NKAIN2: variants seen among roughly 807,000 people sequenced by gnomAD.
The protein encoded by NKAIN2 is sodium/potassium-transporting ATPase subunit beta-1-interacting protein 2.
A neutral mutation model predicts 32.6 loss-of-function variants in NKAIN2; 14 were observed. The ratio of observed to expected loss-of-function variants is 0.43; its 90% CI spans 0.28 to 0.67. The LOEUF (loss-of-function observed/expected upper bound fraction) is 0.67, where lower values mean the gene tolerates loss of function less well. Ranked by LOEUF, NKAIN2 falls within the 30% of genes least tolerant of loss-of-function variation. The pLI, the probability that NKAIN2 is intolerant of heterozygous loss-of-function variation, is 0.17. For synonymous variants in NKAIN2, 80 were observed against 87.2 expected (o/e 0.92, Z 0.46); for missense variants, 198 against 258.3 (o/e 0.77, Z 1.60).
rs905305869 is a variant in NKAIN2, at chr6:124,424,394, A to ATG, written c.273+69060_273+69061dup. On this transcript the variant is annotated intron_variant, in intron 3 of 6. Coordinates refer to ENST00000368417, the MANE Select transcript of NKAIN2 (RefSeq NM_001040214.3). Reference sequence around the variant, plus strand: ...TACATAGTTACTACTGTGTGTGTGTATGTGTGTGTGTGTGATAAGTACACT... The same window carrying ATG: ...TACATAGTTACTACTGTGTGTGTGTATGTGTGTGTGTGTGTGATAAGTACACT... Among the ~76,000 whole-genome samples the ATG allele has an allele frequency of 2.0e-4, 30 of 151,952 alleles. No individual in the cohort carries two copies. The South Asian group carries it at 2.5e-3, about 13-fold the overall frequency.
intron 1 of NKAIN2, among the ~76,000 whole-genome samples, chr6:123,846,869 A>G (rs1258202144): frequency 1.3e-5 from 2 of 151,744 alleles, no homozygotes; most frequent in African/African-American, 4.8e-5. Flanking sequence ...CACATAACAC[A>G]TGTCTCTTAT....
intron 1 of NKAIN2, among the ~76,000 whole-genome samples, chr6:124,244,910 T>C (rs1793312183): frequency 6.6e-6 from 1 of 152,152 alleles, no homozygotes; most frequent in African/African-American, 2.4e-5. Context: ...TTACCATGGT[T>C]ATCTCAAAAA....
chr6:124,566,904 G>C, intron 3 of NKAIN2, among the ~76,000 whole-genome samples: 1 of 152,106 alleles, frequency 6.6e-6, no homozygotes, highest in East Asian at 1.9e-4. Context: ...GAGAAAGAAA[G>C]AAAAGAGAAT....
chr6:124,440,181 A>G (rs1484971205), intron 3 of NKAIN2, among the ~76,000 whole-genome samples: 1 of 152,034 alleles, frequency 6.6e-6, no homozygotes, highest in Non-Finnish European at 1.5e-5. Context: ...CAGCTGGAGA[A>G]TGAGTGCTCA....
chr6:124,767,572 T>C (rs909107386), intron 4 of NKAIN2, among the ~76,000 whole-genome samples: 1 of 152,228 alleles, frequency 6.6e-6, no homozygotes, highest in African/African-American at 2.4e-5. Flanking sequence ...CAGCTCTTTA[T>C]AGCCTTCAGC....
intron 4 of NKAIN2, 126 bp downstream of exon 4, chr6:124,658,512 C>A (rs548777231): frequency 6.6e-6 from 10 of 1,506,958 alleles, no homozygotes; most frequent in Admixed American, 2.3e-5. Context: ...CTCATTAATG[C>A]GACTTTTAAC....
intron 1 of NKAIN2, among the ~76,000 whole-genome samples, chr6:124,118,201 C>G (rs775125231): frequency 6.6e-6 from 1 of 152,056 alleles, no homozygotes; most frequent in Non-Finnish European, 1.5e-5. Context: ...AACTGATACT[C>G]TCATTTATTT....
At chr6:124,422,545 T>G (rs377302738) in intron 3 of NKAIN2, among the ~76,000 whole-genome samples, 5 of 152,210 alleles carry the variant, frequency 3.3e-5, no homozygotes, top group African/African-American at 1.2e-4. Context: ...TGTTCTAAAT[T>G]TACAAGTGAG....
At chr6:123,962,976 C>A (rs1487540641) in intron 1 of NKAIN2, among the ~76,000 whole-genome samples, 1 of 152,166 alleles carries the variant, frequency 6.6e-6, no homozygotes, top group Non-Finnish European at 1.5e-5. Flanking sequence ...AATAGGTCAG[C>A]TCACTGTTAT....
intron 3 of NKAIN2, among the ~76,000 whole-genome samples, chr6:124,592,675 A>C (rs535084858): frequency 1.8e-4 from 27 of 152,296 alleles, no homozygotes; most frequent in African/African-American, 5.5e-4. Context: ...TTTGGACCCA[A>C]ACCATGCTAA....
intron 3 of NKAIN2, among the ~76,000 whole-genome samples, chr6:124,608,712 T>C (rs1782583677): frequency 6.6e-6 from 1 of 152,168 alleles, no homozygotes; most frequent in South Asian, 2.1e-4. Context: ...TTTTAAACAC[T>C]GCACCTGACA....
At chr6:124,708,558 A>G (rs1461389832) in intron 4 of NKAIN2, among the ~76,000 whole-genome samples, 9 of 151,928 alleles carry the variant, frequency 5.9e-5, no homozygotes, top group Non-Finnish European at 8.8e-5. Context: ...GGTCCTTCAC[A>G]TCCCTTGTAA....
At chr6:124,001,238 GTTAGA>G (rs1295936435) in intron 1 of NKAIN2, among the ~76,000 whole-genome samples, 1 of 151,470 alleles carries the variant, frequency 6.6e-6, no homozygotes, top group Non-Finnish European at 1.5e-5. Flanking sequence ...GCTTTTGAAT[GTTAGA>G]TTAGAAATCA....
chr6:124,562,750 C>A (rs940206602), intron 3 of NKAIN2, among the ~76,000 whole-genome samples: 3 of 152,080 alleles, frequency 2.0e-5, no homozygotes, highest in Non-Finnish European at 4.4e-5. Flanking sequence ...TTGCAAGTCT[C>A]CTTACTCTGA....
intron 2 of NKAIN2, among the ~76,000 whole-genome samples, chr6:124,332,246 CAGAG>C (rs756473810): frequency 1.6e-4 from 24 of 150,864 alleles, no homozygotes; most frequent in African/African-American, 4.9e-4. Flanking sequence ...CACACACACA[CAGAG>C]AGAGAGAGAG....
intron 3 of NKAIN2, among the ~76,000 whole-genome samples, chr6:124,552,857 C>T (rs1049008935): frequency 1.3e-5 from 2 of 152,210 alleles, no homozygotes; most frequent in Non-Finnish European, 2.9e-5. Context: ...ACTAGTAATT[C>T]AAAATAATTT....
intron 4 of NKAIN2, among the ~76,000 whole-genome samples, chr6:124,683,130 G>A (rs939389451): frequency 6.6e-6 from 1 of 152,166 alleles, no homozygotes; most frequent in Non-Finnish European, 1.5e-5. Context: ...TACTTGACAG[G>A]TGAATATCAC....
At chr6:124,515,644 C>T (rs745475735) in intron 3 of NKAIN2, among the ~76,000 whole-genome samples, 1 of 152,068 alleles carries the variant, frequency 6.6e-6, no homozygotes, top group African/African-American at 2.4e-5. Flanking sequence ...GATCAGATTT[C>T]AACATGAGGT....
chr6:124,351,912 C>T (rs976298103), intron 2 of NKAIN2, among the ~76,000 whole-genome samples: 18 of 152,034 alleles, frequency 1.2e-4, no homozygotes, highest in African/African-American at 3.9e-4. Flanking sequence ...TGAGCCACCG[C>T]GCCCGACCCT....
Sources: allele counts gnomAD v4.1 joint callset (sites outside exome capture counted in the v4.1 genomes callset), GRCh38; gene constraint gnomAD v4.1.1; transcripts MANE v1.5; gene names NCBI Gene and HGNC (gene_info 2026-07-23, HGNC 2026-07-21).